The following TNRC6C variants were observed in gnomAD, a reference collection of about 807,000 sequenced individuals.
TNRC6C encodes trinucleotide repeat containing adaptor 6C.
Under a neutral mutation model 153.7 loss-of-function variants are expected in TNRC6C, and 20 were observed. That is an observed-to-expected ratio of 0.13 (90% confidence interval 0.09 to 0.19). The LOEUF (loss-of-function observed/expected upper bound fraction) is 0.19. Ranked by LOEUF, TNRC6C falls within the 10% of genes least tolerant of loss-of-function variation. The pLI is 1.00. For missense variants in TNRC6C, 1,987 were observed against 2,172.0 expected, an observed-to-expected ratio of 0.91 and a Z score of 1.69; for synonymous variants, 811 against 841.4, an observed-to-expected ratio of 0.96 and a Z score of 0.63.
intron 1 of TNRC6C, among the ~76,000 whole-genome samples, chr17:77,988,903 A>G (rs9904097): frequency 0.46 from 69,325 of 152,052 alleles, 17,723 homozygotes; most frequent in African/African-American, 0.7. Flanking sequence ...GTTTACTGCC[A>G]TTTTCTAAAA....
chr17:78,016,987 A>T (rs2071740603), intron 1 of TNRC6C, among the ~76,000 whole-genome samples: 1 of 152,068 alleles, frequency 6.6e-6, no homozygotes, highest in Non-Finnish European at 1.5e-5. Context: ...TGAAGTTTCA[A>T]CCCCAAGGCC....
intron 9 of TNRC6C, among the ~76,000 whole-genome samples, chr17:78,078,972 A>T (rs1189059784): frequency 6.6e-6 from 1 of 152,166 alleles, no homozygotes; most frequent in Admixed American, 6.5e-5. Context: ...AGGCGACGGT[A>T]ATCCCAGCTC....
At chr17:77,985,486 C>T (rs1028744864) in intron 1 of TNRC6C, among the ~76,000 whole-genome samples, 2 of 151,876 alleles carry the variant, frequency 1.3e-5, no homozygotes, top group Admixed American at 1.3e-4. Context: ...CCTGTAGTCC[C>T]AGCTACTCGG....
chr17:78,036,717 A>T (rs2072186648), intron 2 of TNRC6C, among the ~76,000 whole-genome samples: 1 of 152,120 alleles, frequency 6.6e-6, no homozygotes, highest in Non-Finnish European at 1.5e-5. Context: ...TGAGGTCAGG[A>T]GTTTAAGACC....
exon 3 of TNRC6C, chr17:78,050,524 A>C (rs764173179): frequency 6.2e-7 from 1 of 1,613,900 alleles, no homozygotes; most frequent in Non-Finnish European, 8.5e-7. Flanking sequence ...TCAGGCTTCA[A>C]ACTCAGGGGG....
At chr17:77,997,691 C>T (rs2071349663) in intron 1 of TNRC6C, among the ~76,000 whole-genome samples, 1 of 151,874 alleles carries the variant, frequency 6.6e-6, no homozygotes, top group South Asian at 2.1e-4. Flanking sequence ...GAGTCTCGCT[C>T]TGTCACCCAG....
intron 2 of TNRC6C, among the ~76,000 whole-genome samples, chr17:78,042,848 GTGA>G (rs1318236721): frequency 7.2e-5 from 11 of 152,038 alleles, no homozygotes; most frequent in Admixed American, 5.9e-4. Context: ...GGTGGTGGTG[GTGA>G]TGATGAGGAA....
chr17:78,017,666 C>G (rs2071753948), intron 1 of TNRC6C, among the ~76,000 whole-genome samples: 2 of 152,330 alleles, frequency 1.3e-5, no homozygotes, highest in Non-Finnish European at 1.5e-5. Flanking sequence ...TCCATGGAAC[C>G]ACCCAGTGCT....
chr17:77,999,775 G>A (rs1398746262), upstream of TNRC6C, among the ~76,000 whole-genome samples: 2 of 152,170 alleles, frequency 1.3e-5, no homozygotes, highest in Non-Finnish European at 2.9e-5. Context: ...TCCTCAGGCT[G>A]CTGGCTGAAT....
chr17:78,028,187 C>G (rs1047639214), intron 1 of TNRC6C, among the ~76,000 whole-genome samples: 3 of 152,092 alleles, frequency 2.0e-5, no homozygotes, highest in Non-Finnish European at 2.9e-5. Context: ...GAGCCATCGC[C>G]CCCCGCTGAA....
At chr17:78,067,549 G>C (rs2072906756) in intron 4 of TNRC6C, among the ~76,000 whole-genome samples, 1 of 152,166 alleles carries the variant, frequency 6.6e-6, no homozygotes, top group African/African-American at 2.4e-5. Flanking sequence ...AATAGCTGAT[G>C]TTTGAAGGAA....
intron 1 of TNRC6C, among the ~76,000 whole-genome samples, chr17:77,966,094 A>G (rs1225219970): frequency 6.6e-6 from 1 of 152,216 alleles, no homozygotes; most frequent in Non-Finnish European, 1.5e-5. Context: ...AAGGAGACGA[A>G]TGGGCAAGCC....
At chr17:77,967,661 A>G (rs1021892700) in intron 1 of TNRC6C, among the ~76,000 whole-genome samples, 1 of 152,208 alleles carries the variant, frequency 6.6e-6, no homozygotes. Context: ...CACTGACCCA[A>G]TCATGAAAAA....
chr17:78,083,554 G>T lies in TNRC6C; in HGVS notation c.3477+388G>T, dbSNP rs138251989. 4.6e-5 allele frequency among the ~76,000 whole-genome samples: 7 copies of T among 152,194 alleles called. No homozygotes were observed. The East Asian group carries it at 1.3e-3, about 29-fold the overall frequency. ...ACCAATCTACCAGATTTTATAATTA[G>T]GCATGTCTTTTCAGTTGAGCTCTCA... is the stretch of plus-strand genomic sequence containing the variant. On this transcript the variant is annotated intron_variant, in intron 11 of 19. Coordinates refer to ENST00000301624, the Ensembl canonical transcript of TNRC6C.
chr17:78,021,852 G>A (rs1408924657), intron 1 of TNRC6C, among the ~76,000 whole-genome samples: 1 of 152,160 alleles, frequency 6.6e-6, no homozygotes, highest in Non-Finnish European at 1.5e-5. Context: ...TTAAAGGTGT[G>A]AGCCACCATG....
exon 2 of TNRC6C, chr17:78,031,673 T>G (rs2072077304): frequency 8.1e-7 from 1 of 1,232,258 alleles, no homozygotes; most frequent in Non-Finnish European, 1.0e-6. Context: ...GTGAGGTGCC[T>G]CCACGCTTCC....
At chr17:77,964,184 A>C (rs984415173) in intron 1 of TNRC6C, among the ~76,000 whole-genome samples, 4 of 152,200 alleles carry the variant, frequency 2.6e-5, no homozygotes, top group Non-Finnish European at 5.9e-5. Context: ...GAAGAGTGTG[A>C]CTGGCATCTA....
In TNRC6C at chr17:78,079,645, T is replaced by C. The variant is rs761511490; in HGVS notation, c.3357+104T>C. 18 of 1,427,370 alleles carry C rather than the reference T, an allele frequency of 1.3e-5. No individual in the cohort carries two copies. The highest frequency in any genetic ancestry group is 1.7e-5 in the Non-Finnish European group (18 of 1,061,082). The allele number at this position is 1,427,370 out of a possible 1,614,324, so 88.4% of individuals were successfully genotyped here. On this transcript the variant is annotated intron_variant, in intron 10 of 19. Coordinates refer to ENST00000301624, the Ensembl canonical transcript of TNRC6C. The surrounding 1 kb of genome is among the most constrained non-coding windows in gnomAD (Gnocchi z 4.3). ...TCACTATTTTAAAGTGAGAGCGGAG[T>C]TAATCCATGTTTAAGAGAAGGCCTT...
chr17:77,979,285 A>G (rs1404353142), intron 1 of TNRC6C, among the ~76,000 whole-genome samples: 1 of 152,234 alleles, frequency 6.6e-6, no homozygotes, highest in Non-Finnish European at 1.5e-5. Flanking sequence ...TAACATAAAG[A>G]CATTTAAGGT....
Sources: gnomAD v4.1 joint callset for allele counts (sites outside exome capture counted in the v4.1 genomes callset) on GRCh38, gnomAD v4.1.1 for gene constraint, Gnocchi (gnomAD v3.1) non-coding constraint, MANE v1.5 for transcripts, NCBI Gene and HGNC (gene_info 2026-07-23, HGNC 2026-07-21) for gene names.